The following PLD3 variants were observed in gnomAD, a reference collection of about 807,000 sequenced individuals.
PLD3 encodes the protein phospholipase D family member 3, also known as 5'-3' exonuclease PLD3.
Under a neutral mutation model 58.4 loss-of-function variants are expected in PLD3, and 31 were observed. The ratio of observed to expected loss-of-function variants is 0.53; its 90% CI spans 0.40 to 0.72. The LOEUF is 0.72. Among genes scored for constraint, PLD3 ranks in the 30% least tolerant of loss-of-function variants. The pLI, the probability that PLD3 is intolerant of heterozygous loss-of-function variation, is 0.00. For synonymous variants in PLD3, 264 were observed against 273.4 expected (o/e 0.97, Z 0.34); for missense variants, 595 against 659.8 (o/e 0.90, Z 1.08).
chr19:40,363,917 T>C (rs2078849710), intron 1 of PLD3, among the ~76,000 whole-genome samples: 1 of 152,148 alleles, frequency 6.6e-6, no homozygotes. Context: ...TTTTTCTTCT[T>C]TTTCAAAAAA....
chr19:40,357,740 A>G (rs1377284275), intron 1 of PLD3: 2 of 152,202 alleles, frequency 1.3e-5, no homozygotes, highest in African/African-American at 2.4e-5. Flanking sequence ...CTAGAGGAAT[A>G]AATCAGACAC....
rs1483661671 is a variant in PLD3 at position 40,377,828 on chromosome 19, C to T, written c.1228C>T (p.Pro410Ser). Residue 410 changes from proline to serine, a missense_variant, in exon 12 of 13, where the codon CCA (proline) becomes TCA (serine). Pro to Ser is a moderately conservative substitution (Grantham distance 74, BLOSUM62 -1). Coordinates refer to ENST00000409735, the MANE Select transcript of PLD3 (RefSeq NM_012268.4). ...CGCGGATGAGGCCCAGGCTCGAATCCCATATGCCCGTGTCAACCACAACAA... is the reference window on the plus strand; with the variant it reads ...CGCGGATGAGGCCCAGGCTCGAATCTCATATGCCCGTGTCAACCACAACAA... ...VPADEAQARIPYARVNHNKYM... is the reference protein window; with the variant it reads ...VPADEAQARISYARVNHNKYM... 10 of 1,613,896 alleles carry T rather than the reference C, an allele frequency of 6.2e-6. No homozygotes were observed. The East Asian group carries it at 2.2e-4, about 36-fold the overall frequency.
rs200276989 is a variant in PLD3, at chr19:40,367,757, C to T, written c.307C>T (p.Pro103Ser). The T allele has an allele frequency of 1.2e-6, 2 of 1,613,802 alleles. No individual in the cohort carries two copies. Among genetic ancestry groups the T allele is most frequent in the Non-Finnish European group, 1.7e-6 (2 of 1,179,922 alleles). The change falls in exon 6 of 13, where the codon CCT becomes TCT. Residue 103 changes from proline to serine, a missense_variant. By Grantham distance (74) the Pro-to-Ser change is moderately conservative. Transcript: ENST00000409735. Reference protein sequence around the residue: ...LDFPNASTGNPSTSQAWLGLL... With the variant: ...LDFPNASTGNSSTSQAWLGLL... ...CTTCCCCAATGCCTCCACGGGGAAC[C>T]CTTCCACCAGCCAGGCCTGGCTGGG... is the stretch of plus-strand genomic sequence containing the variant.
In PLD3 at chr19:40,376,723, G is replaced by T. The variant is rs757511558; in HGVS notation, c.1134G>T (p.Leu378=). The T allele has an allele frequency of 2.5e-6, 4 of 1,602,146 alleles. No individual in the cohort carries two copies. In the South Asian group the frequency reaches 4.4e-5, roughly 18 times the overall value. The change falls in exon 11 of 13, where the codon CTG becomes CTT. Residue 378 remains leucine, a synonymous_variant. Transcript: ENST00000409735. ...GHSEPSMRAF[L]LSLAALRDNH... is the part of the protein sequence containing the mutation. ...CGGAGCCATCCATGCGGGCCTTCCT[G>T]CTCTCTCTGGCTGCCCTGCGTGACA...
chr19:40,356,149 G>C (rs1789948897), intron 1 of PLD3: 2 of 152,414 alleles, frequency 1.3e-5, no homozygotes, highest in Admixed American at 1.3e-4. Flanking sequence ...GCTGTGGGAG[G>C]GTCTGGTGAT....
chr19:40,362,461 G>A (rs1185439260), intron 1 of PLD3, among the ~76,000 whole-genome samples: 1 of 152,140 alleles, frequency 6.6e-6, no homozygotes, highest in Non-Finnish European at 1.5e-5. Flanking sequence ...TATGAGACAG[G>A]CTCTCACTCT....
At chr19:40,355,554 C>T (rs978722365) in intron 1 of PLD3, among the ~76,000 whole-genome samples, 9 of 150,948 alleles carry the variant, frequency 6.0e-5, no homozygotes, top group African/African-American at 1.2e-4. Context: ...TCAGATGATC[C>T]GCCTGCCTCA....
intron 6 of PLD3, 163 bp from the exon 7 acceptor site, chr19:40,369,745 G>A (rs1374812927): frequency 3.1e-6 from 2 of 642,532 alleles, no homozygotes; most frequent in Non-Finnish European, 5.0e-6. Context: ...AAACAGATAA[G>A]GAAGTCTTTT....
At chr19:40,369,859 T>C in intron 6 of PLD3, 49 bp from the exon 7 acceptor site, 5 of 1,503,734 alleles carry the variant, frequency 3.3e-6, no homozygotes, top group Non-Finnish European at 4.4e-6. Context: ...CCTTGTGGGG[T>C]TGGAGAGCTG....
Position 40,365,757 on chromosome 19 carries a change from C to CGAA in PLD3, c.-238_-237insAAG, listed in dbSNP as rs1316177025. 1 of 152,672 alleles carries CGAA rather than the reference C, an allele frequency of 6.5e-6. No homozygotes were observed. The highest frequency in any genetic ancestry group is 1.9e-4 in the East Asian group (1 of 5,198). 9.5% of individuals were successfully genotyped at this position (152,672 alleles called of 1,614,324 possible). ...GTCTGGGGAGCCGAGCCCCGCTTCT[C>CGAA]GCTGCGGTGAGCCCGGACTGGGGCA... On this transcript the variant is annotated 5_prime_UTR_variant, in exon 2 of 13. Transcript: ENST00000409735.
At chr19:40,357,716 T>C (rs1459117604) in intron 1 of PLD3, 1 of 152,178 alleles carries the variant, frequency 6.6e-6, no homozygotes, top group East Asian at 1.9e-4. Context: ...ATTACAATGG[T>C]CTGGGCCCTA....
chr19:40,373,018 G>C (rs2079104143), intron 9 of PLD3, among the ~76,000 whole-genome samples: 1 of 152,200 alleles, frequency 6.6e-6, no homozygotes, highest in Non-Finnish European at 1.5e-5. Context: ...GGCAGATACT[G>C]ATCACTCTGG....
At chr19:40,353,905 A>C (rs887885162) in intron 1 of PLD3, among the ~76,000 whole-genome samples, 1 of 127,388 alleles carries the variant, frequency 7.9e-6, no homozygotes, top group Non-Finnish European at 1.7e-5. Flanking sequence ...TTCTTTCTTT[A>C]TTTTTTTGAG....
chr19:40,351,542 C>G (rs2078515878), intron 1 of PLD3, among the ~76,000 whole-genome samples: 1 of 151,762 alleles, frequency 6.6e-6, no homozygotes, highest in Non-Finnish European at 1.5e-5. Context: ...GATTCTGTCT[C>G]AAAAAAAGAG....
rs535278465 is a variant in PLD3 at position 40,372,008 on chromosome 19, G to T, written c.879+135G>T. 4.6e-5 allele frequency: 33 copies of T among 718,262 alleles called. 1 individual carries two copies. The highest frequency in any genetic ancestry group is 3.4e-4 in the Admixed American group (15 of 43,732). 44.5% of individuals were successfully genotyped at this position (718,262 alleles called of 1,614,324 possible). On this transcript the variant is annotated intron_variant, in intron 9 of 12. Transcript: ENST00000409735. ...TTCTCACCCCAGCTCATTCTGCTTG[G>T]TCAGGGGCCTGGAGTAGTTCCCAAC...
intron 1 of PLD3, chr19:40,355,753 G>C (rs1600265487): frequency 6.7e-6 from 1 of 149,736 alleles, no homozygotes; most frequent in South Asian, 2.1e-4. Flanking sequence ...ACTTTCCTAT[G>C]CTCCATGGTA....
At chr19:40,363,682 C>T (rs1263800761) in intron 1 of PLD3, among the ~76,000 whole-genome samples, 3 of 152,102 alleles carry the variant, frequency 2.0e-5, no homozygotes, top group African/African-American at 7.2e-5. Context: ...CCACCCACCT[C>T]GGCCTCCCAA....
chr19:40,363,790 C>A (rs184405703), intron 1 of PLD3, among the ~76,000 whole-genome samples: 1 of 152,106 alleles, frequency 6.6e-6, no homozygotes, highest in African/African-American at 2.4e-5. Flanking sequence ...GGGGATCTAG[C>A]ATGTTCTACC....
In PLD3 at chr19:40,366,623, C is replaced by T. The variant is rs1197439996; in HGVS notation, c.41C>T (p.Ala14Val). ...KLMYQELKVPAEEPANELPMN... is the reference protein window; with the variant it reads ...KLMYQELKVPVEEPANELPMN... ...CCCCATCCCCAGCTGAAGGTGCCTG[C>T]AGAGGAGCCCGCCAATGAGCTGCCC... Residue 14 changes from alanine to valine, a missense_variant, in exon 4 of 13, where the codon GCA becomes GTA. Coordinates refer to ENST00000409735, the MANE Select transcript of PLD3 (RefSeq NM_012268.4). The T allele has an allele frequency of 3.8e-6, 6 of 1,578,756 alleles. No individual in the cohort carries two copies. The highest frequency in any genetic ancestry group is 2.2e-5 in the East Asian group (1 of 44,612).
Sources: allele counts gnomAD v4.1 joint callset (sites outside exome capture counted in the v4.1 genomes callset), GRCh38; gene constraint gnomAD v4.1.1; transcripts MANE v1.5; gene names NCBI Gene and HGNC (gene_info 2026-07-23, HGNC 2026-07-21).